SGCZ: variants seen among roughly 807,000 people sequenced by gnomAD.
SGCZ encodes zeta-sarcoglycan.
Under a neutral mutation model 41.3 loss-of-function variants are expected in SGCZ, and 40 were observed. The observed-to-expected ratio is 0.97, with a 90% confidence interval of 0.75 to 1.26. SGCZ has a LOEUF of 1.26. Among genes scored for constraint, SGCZ ranks in the 50% most tolerant of loss-of-function variants. The probability of loss-of-function intolerance (pLI) is 0.00; values close to 1 mark genes in which losing one functional copy is unlikely to be tolerated. For missense variants in SGCZ, 552 were observed against 369.8 expected (o/e 1.49, Z -4.04); for synonymous variants, 206 against 137.5 (o/e 1.50, Z -3.49).
At chr8:14,436,141 C>G (rs1181002947) in intron 2 of SGCZ, among the ~76,000 whole-genome samples, 1 of 152,044 alleles carries the variant, frequency 6.6e-6, no homozygotes, top group Non-Finnish European at 1.5e-5. Flanking sequence ...GAATAAACAC[C>G]GTGATGTTTC....
intron 2 of SGCZ, among the ~76,000 whole-genome samples, chr8:14,508,842 T>C (rs1261655265): frequency 6.6e-6 from 1 of 152,202 alleles, no homozygotes; most frequent in Non-Finnish European, 1.5e-5. Context: ...AGGACCACTC[T>C]ACTATTTGGA....
At chr8:15,124,338 G>C (rs1807598033) in intron 1 of SGCZ, among the ~76,000 whole-genome samples, 2 of 152,106 alleles carry the variant, frequency 1.3e-5, no homozygotes, top group African/African-American at 4.8e-5. Flanking sequence ...AATTAACCTT[G>C]GCAAGGAAGA....
chr8:15,073,590 C>A lies in SGCZ; in HGVS notation c.39+163995G>T, dbSNP rs567451464. Among the ~76,000 whole-genome samples the A allele has an allele frequency of 3.5e-4, 53 of 152,222 alleles. 2 individuals carry two copies. Among genetic ancestry groups the A allele is most frequent in the African/African-American group, 1.3e-3 (53 of 41,546 alleles). ...TTTAATCTGTAAATATCCAGGAAAGCAACTGCTCTCCATAATGTGGGTGGG... is the reference window on the plus strand; with the variant it reads ...TTTAATCTGTAAATATCCAGGAAAGAAACTGCTCTCCATAATGTGGGTGGG... On this transcript the variant is annotated intron_variant, in intron 1 of 7. Coordinates refer to ENST00000382080, the MANE Select transcript of SGCZ (RefSeq NM_139167.4).
At chr8:14,542,561 G>A (rs75585989) in intron 2 of SGCZ, among the ~76,000 whole-genome samples, 3,719 of 152,084 alleles carry the variant, frequency 0.024, 64 homozygotes, top group South Asian at 0.048. Context: ...TTAGAGCACC[G>A]AGCTATTTAT....
At chr8:14,990,145 A>G (rs143220938) in intron 1 of SGCZ, among the ~76,000 whole-genome samples, 20 of 152,318 alleles carry the variant, frequency 1.3e-4, no homozygotes, top group African/African-American at 3.8e-4. Flanking sequence ...TAAAGTGAAG[A>G]AATTGAAGCA....
At chr8:14,382,876 TG>T (rs2117195612) in intron 2 of SGCZ, among the ~76,000 whole-genome samples, 1 of 152,322 alleles carries the variant, frequency 6.6e-6, no homozygotes, top group Non-Finnish European at 1.5e-5. Flanking sequence ...CAATGGTTAC[TG>T]ACCTCCAGTA....
At chr8:15,192,410 C>T (rs778883518) in intron 1 of SGCZ, among the ~76,000 whole-genome samples, 14 of 152,024 alleles carry the variant, frequency 9.2e-5, no homozygotes, top group South Asian at 2.1e-4. Flanking sequence ...CAGTTTGTTT[C>T]GTTTTAGTAC....
intron 4 of SGCZ, among the ~76,000 whole-genome samples, chr8:14,213,745 T>G (rs533129237): frequency 3.5e-4 from 54 of 152,232 alleles, no homozygotes; most frequent in Middle Eastern, 3.4e-3. Flanking sequence ...AATAAAATAC[T>G]TAAGACTTAA....
intron 1 of SGCZ, among the ~76,000 whole-genome samples, chr8:15,109,107 C>A (rs576306460): frequency 1.8e-3 from 275 of 152,226 alleles, no homozygotes; most frequent in Non-Finnish European, 3.2e-3. Context: ...ATAAAACACA[C>A]ACACACACTC....
At chr8:14,978,606 T>C (rs1282541978) in intron 1 of SGCZ, among the ~76,000 whole-genome samples, 3 of 151,710 alleles carry the variant, frequency 2.0e-5, no homozygotes, top group Non-Finnish European at 2.9e-5. Context: ...TCGCCTAAGT[T>C]AGGTTTTGCC....
chr8:15,018,559 C>A (rs1803129822), intron 1 of SGCZ, among the ~76,000 whole-genome samples: 1 of 152,064 alleles, frequency 6.6e-6, no homozygotes, highest in Non-Finnish European at 1.5e-5. Flanking sequence ...AGAGCTGGTG[C>A]AAAGGCCCCC....
At chr8:14,295,313 G>C (rs997131549) in intron 3 of SGCZ, among the ~76,000 whole-genome samples, 8 of 152,156 alleles carry the variant, frequency 5.3e-5, no homozygotes, top group Non-Finnish European at 7.3e-5. Context: ...ACTCACTGTA[G>C]TAGCTGAATG....
At chr8:14,190,073 C>A (rs375518806) in intron 4 of SGCZ, among the ~76,000 whole-genome samples, 69 of 129,452 alleles carry the variant, frequency 5.3e-4, no homozygotes, top group Admixed American at 1.4e-3. Context: ...AGTGCAGTGG[C>A]GCCATCTTGA....
At chr8:14,459,186 A>C (rs936129232) in intron 2 of SGCZ, among the ~76,000 whole-genome samples, 4 of 152,032 alleles carry the variant, frequency 2.6e-5, no homozygotes, top group African/African-American at 9.7e-5. Flanking sequence ...CAAACACCGC[A>C]TGTTTTCACT....
At chr8:14,847,164 A>AGAAGAAGAAGAAGAAGAAGAAGAAGAG (rs1563312279) in intron 1 of SGCZ, among the ~76,000 whole-genome samples, 11 of 145,830 alleles carry the variant, frequency 7.5e-5, no homozygotes, top group African/African-American at 2.8e-4. Flanking sequence ...AAGAAGAAGA[A>AGAAGAAGAAGAAGAAGAAGAAGAAGAG]GAAGAAGAAG....
chr8:14,209,284 C>T (rs756503088), intron 4 of SGCZ, among the ~76,000 whole-genome samples: 1 of 152,094 alleles, frequency 6.6e-6, no homozygotes, highest in African/African-American at 2.4e-5. Context: ...CCATGGTGGG[C>T]CAGAATTCTT....
chr8:15,105,382 T>C (rs1338260350), intron 1 of SGCZ, among the ~76,000 whole-genome samples: 5 of 152,160 alleles, frequency 3.3e-5, no homozygotes, highest in Admixed American at 1.3e-4. Flanking sequence ...AGAGGTTTAA[T>C]TGACTCAAAG....
intron 1 of SGCZ, among the ~76,000 whole-genome samples, chr8:14,601,580 C>A (rs780262923): frequency 1.1e-4 from 16 of 151,978 alleles, no homozygotes; most frequent in Non-Finnish European, 1.9e-4. Context: ...TGTTCTAATA[C>A]GTAGAGCATA....
At chr8:14,592,407 G>A (rs932400701) in intron 1 of SGCZ, among the ~76,000 whole-genome samples, 1 of 152,002 alleles carries the variant, frequency 6.6e-6, no homozygotes, top group Non-Finnish European at 1.5e-5. Context: ...TTGCTTTAAA[G>A]TATACATGCT....
Sources: gnomAD v4.1 joint callset for allele counts (sites outside exome capture counted in the v4.1 genomes callset) on GRCh38, gnomAD v4.1.1 for gene constraint, MANE v1.5 for transcripts, NCBI Gene and HGNC (gene_info 2026-07-23, HGNC 2026-07-21) for gene names.